Variants in PEBP4 observed in about 807,000 individuals in gnomAD.
The protein encoded by PEBP4 is phosphatidylethanolamine-binding protein 4.
Under a neutral mutation model 23.9 loss-of-function variants are expected in PEBP4, and 22 were observed. That is an observed-to-expected ratio of 0.92 (90% CI 0.66 to 1.31). The LOEUF (loss-of-function observed/expected upper bound fraction) is 1.31. Among genes scored for constraint, PEBP4 ranks in the 40% most tolerant of loss-of-function variants. PEBP4 has a pLI of 0.00. For missense variants in PEBP4, 324 were observed against 281.7 expected (o/e 1.15, Z -1.07); for synonymous variants, 112 against 99.3 (o/e 1.13, Z -0.76).
At chr8:22,722,134 C>T (rs919268454) in intron 6 of PEBP4, among the ~76,000 whole-genome samples, 12 of 152,052 alleles carry the variant, frequency 7.9e-5, no homozygotes, top group African/African-American at 1.2e-4. Context: ...ACTCCTCTGC[C>T]GGACTTCTGA....
chr8:22,906,892 T>TA (rs573081665), intron 3 of PEBP4, among the ~76,000 whole-genome samples: 18 of 151,098 alleles, frequency 1.2e-4, no homozygotes, highest in African/African-American at 3.4e-4. Flanking sequence ...GCAAAAAACG[T>TA]AAAAAAAAGA....
At chr8:22,838,670 G>A (rs982924015) in intron 3 of PEBP4, among the ~76,000 whole-genome samples, 1 of 152,270 alleles carries the variant, frequency 6.6e-6, no homozygotes. Flanking sequence ...GGAAGCCTCG[G>A]CGGTGAAGCC....
chr8:22,914,326 C>T (rs1179576158), intron 3 of PEBP4, among the ~76,000 whole-genome samples: 1 of 152,094 alleles, frequency 6.6e-6, no homozygotes, highest in African/African-American at 2.4e-5. Context: ...AACTCCTGAC[C>T]TCAAGCAAAT....
chr8:22,746,825 G>A (rs1805129943), intron 4 of PEBP4, among the ~76,000 whole-genome samples: 1 of 152,190 alleles, frequency 6.6e-6, no homozygotes, highest in South Asian at 2.1e-4. Context: ...GCTGCCAGCT[G>A]CCTGTGGTCA....
chr8:22,795,164 T>TATATATATATATATATATA (rs1491200518), intron 4 of PEBP4, among the ~76,000 whole-genome samples: 18 of 17,510 alleles, frequency 1.0e-3, no homozygotes, highest in South Asian at 2.2e-3. Context: ...TATATATATA[T>TATATATATATATATATATA]TTTTTTTTTT....
intron 3 of PEBP4, among the ~76,000 whole-genome samples, chr8:22,914,035 T>A (rs1210077395): frequency 6.7e-6 from 1 of 149,624 alleles, no homozygotes; most frequent in Non-Finnish European, 1.5e-5. Flanking sequence ...TTGCCCAGGC[T>A]GGAGTATAGT....
At chr8:22,881,922 G>T (rs1416403881) in intron 3 of PEBP4, among the ~76,000 whole-genome samples, 1 of 152,226 alleles carries the variant, frequency 6.6e-6, no homozygotes, top group African/African-American at 2.4e-5. Flanking sequence ...TCAGGCTGTT[G>T]TAAGAATTAC....
chr8:22,790,217 A>C (rs777686015), intron 4 of PEBP4, among the ~76,000 whole-genome samples: 20 of 151,798 alleles, frequency 1.3e-4, no homozygotes, highest in Non-Finnish European at 2.2e-4. Flanking sequence ...TCCTTCCTTC[A>C]TTCACTCATT....
At chr8:22,725,251 G>A (rs1804601056) in intron 5 of PEBP4, among the ~76,000 whole-genome samples, 2 of 152,228 alleles carry the variant, frequency 1.3e-5, no homozygotes, top group Non-Finnish European at 2.9e-5. Context: ...GCCAGTGGGT[G>A]TTGGCATTGT....
intron 4 of PEBP4, among the ~76,000 whole-genome samples, chr8:22,730,381 A>G (rs1057127431): frequency 2.0e-5 from 3 of 152,194 alleles, no homozygotes; most frequent in African/African-American, 7.2e-5. Context: ...TCTCTACAAA[A>G]AATGCAAAAA....
chr8:22,804,774 A>G (rs891219859), intron 4 of PEBP4, among the ~76,000 whole-genome samples: 7 of 152,084 alleles, frequency 4.6e-5, no homozygotes, highest in African/African-American at 1.7e-4. Flanking sequence ...TGATTCTAAC[A>G]AACGGTTAGA....
intron 3 of PEBP4, among the ~76,000 whole-genome samples, chr8:22,899,630 C>T (rs561938941): frequency 2.0e-4 from 31 of 152,282 alleles, no homozygotes; most frequent in African/African-American, 6.7e-4. Flanking sequence ...CCTCTCATCT[C>T]GGCAAAGTGG....
intron 4 of PEBP4, among the ~76,000 whole-genome samples, chr8:22,746,884 T>A (rs957568708): frequency 1.3e-5 from 2 of 152,212 alleles, no homozygotes; most frequent in South Asian, 4.1e-4. Flanking sequence ...TGACTCTCGT[T>A]CTGTCACCCA....
At chr8:22,738,580 TA>T (rs1804920534) in intron 4 of PEBP4, among the ~76,000 whole-genome samples, 1 of 152,150 alleles carries the variant, frequency 6.6e-6, no homozygotes, top group Admixed American at 6.5e-5. Flanking sequence ...CAAGGGGGCC[TA>T]GGGGCAACCT....
intron 3 of PEBP4, among the ~76,000 whole-genome samples, chr8:22,825,146 T>C (rs1316422966): frequency 6.6e-6 from 1 of 152,202 alleles, no homozygotes; most frequent in African/African-American, 2.4e-5. Context: ...AGAAGCTCCT[T>C]AGCAAATGTT....
intron 3 of PEBP4, among the ~76,000 whole-genome samples, chr8:22,913,616 C>T (rs1808996596): frequency 6.6e-6 from 1 of 152,158 alleles, no homozygotes; most frequent in African/African-American, 2.4e-5. Flanking sequence ...GCATCTCCGG[C>T]ACCTCCCACC....
intron 3 of PEBP4, among the ~76,000 whole-genome samples, chr8:22,868,985 T>G: frequency 6.6e-6 from 1 of 152,180 alleles, no homozygotes; most frequent in Non-Finnish European, 1.5e-5. Flanking sequence ...CCCTACAGGA[T>G]CTGCAGATAC....
intron 3 of PEBP4, among the ~76,000 whole-genome samples, chr8:22,870,005 C>T (rs2128770258): frequency 6.6e-6 from 1 of 152,286 alleles, no homozygotes; most frequent in Admixed American, 6.5e-5. Flanking sequence ...GGCAGTTTCT[C>T]ACAAAACTAA....
At chr8:22,810,914 G>GAA (rs1491059527) in intron 4 of PEBP4, among the ~76,000 whole-genome samples, 3 of 145,240 alleles carry the variant, frequency 2.1e-5, no homozygotes, top group Non-Finnish European at 4.6e-5. Context: ...GAGAGAGAGA[G>GAA]AAACCTCCTA....
Sources: gnomAD v4.1 joint callset for allele counts (sites outside exome capture counted in the v4.1 genomes callset) on GRCh38, gnomAD v4.1.1 for gene constraint, MANE v1.5 for transcripts, NCBI Gene and HGNC (gene_info 2026-07-23, HGNC 2026-07-21) for gene names.